CLCN3: variants seen among roughly 807,000 people sequenced by gnomAD.
CLCN3 encodes the protein Cl-/H+ antiporter 3.
CLCN3 carries 16 observed loss-of-function variants against 83.4 expected under a neutral mutation model. The observed-to-expected ratio is 0.19, with a 90% confidence interval of 0.13 to 0.29. CLCN3 has a LOEUF of 0.29. Among genes scored for constraint, CLCN3 ranks in the 10% least tolerant of loss-of-function variants. The pLI is 1.00. For missense variants in CLCN3, 544 were observed against 1,006.0 expected, an observed-to-expected ratio of 0.54 and a Z score of 6.21; for synonymous variants, 322 against 346.2, an observed-to-expected ratio of 0.93 and a Z score of 0.78.
At chr4:169,657,158 T>A (rs2150216601) in intron 2 of CLCN3, among the ~76,000 whole-genome samples, 1 of 152,320 alleles carries the variant, frequency 6.6e-6, no homozygotes, top group African/African-American at 2.4e-5. Context: ...ACATGTATAT[T>A]GTGTATTTCT....
chr4:169,622,547 A>G (rs1430700882), intron 1 of CLCN3, among the ~76,000 whole-genome samples: 1 of 152,172 alleles, frequency 6.6e-6, no homozygotes, highest in Non-Finnish European at 1.5e-5. Context: ...AAAATGTATA[A>G]TATTTTATAA....
At chr4:169,700,375 A>C (rs2150259198) in intron 9 of CLCN3, among the ~76,000 whole-genome samples, 1 of 152,262 alleles carries the variant, frequency 6.6e-6, no homozygotes, top group Non-Finnish European at 1.5e-5. Context: ...CTCCTGCCTC[A>C]GCCTCCCAAG....
intron 2 of CLCN3, among the ~76,000 whole-genome samples, chr4:169,668,042 C>CGTT (rs780656327): frequency 6.4e-5 from 6 of 93,658 alleles, no homozygotes; most frequent in Admixed American, 3.5e-4. Context: ...CCCGGCCAGA[C>CGTT]ATTTTTTTTT....
chr4:169,635,787 A>C (rs909172566), intron 1 of CLCN3, 126 bp from the exon 2 acceptor site: 3 of 574,644 alleles, frequency 5.2e-6, no homozygotes, highest in Non-Finnish European at 8.3e-6. Context: ...AAAGGTAACT[A>C]TTGTTACAGT....
intron 9 of CLCN3, among the ~76,000 whole-genome samples, chr4:169,700,790 C>G (rs998345546): frequency 1.4e-4 from 22 of 152,262 alleles, no homozygotes; most frequent in African/African-American, 5.3e-4. Context: ...TCTGTTTACA[C>G]TATGCTGTAG....
chr4:169,670,711 G>C (rs1246381328), intron 2 of CLCN3, among the ~76,000 whole-genome samples: 3 of 152,146 alleles, frequency 2.0e-5, no homozygotes, highest in African/African-American at 7.2e-5. Flanking sequence ...CGGGCAGTAT[G>C]GCCATTTTCA....
chr4:169,656,340 A>C (rs928551102), intron 2 of CLCN3, among the ~76,000 whole-genome samples: 14 of 152,206 alleles, frequency 9.2e-5, no homozygotes, highest in Admixed American at 2.6e-4. Flanking sequence ...AGAAGCTAGC[A>C]TGTCTTACAT....
In CLCN3 at chr4:169,620,992, T is replaced by G. The variant is rs1358785916; in HGVS notation, c.-88T>G. ...CTCCGAGGGTAGCTAGGTTCTAGGTTTGAAACAGATGCAGAATCCAAAGGC... is the reference window on the plus strand; with the variant it reads ...CTCCGAGGGTAGCTAGGTTCTAGGTGTGAAACAGATGCAGAATCCAAAGGC... On this transcript the variant is annotated 5_prime_UTR_variant, in exon 1 of 13. Coordinates refer to ENST00000513761, the MANE Select transcript of CLCN3 (RefSeq NM_001829.4). 1 of 398,262 alleles carries G rather than the reference T, an allele frequency of 2.5e-6. No homozygotes were observed. The highest frequency in any genetic ancestry group is 3.6e-5 in the East Asian group (1 of 28,072). 24.7% of individuals were successfully genotyped at this position (398,262 alleles called of 1,614,324 possible).
At chr4:169,689,252 G>T (rs752073451) in intron 5 of CLCN3, 22 bp downstream of exon 5, 1 of 1,585,854 alleles carries the variant, frequency 6.3e-7, no homozygotes, top group Non-Finnish European at 8.6e-7. Flanking sequence ...TTTGTCTCAA[G>T]ATGAATTAAT....
Position 169,706,878 on chromosome 4 carries a change from A to G in CLCN3, c.1761A>G (p.Thr587=), listed in dbSNP as rs781395492. 1.2e-6 allele frequency: 2 copies of G among 1,609,410 alleles called. No individual in the cohort carries two copies. The change falls in exon 11 of 13, where the codon ACA becomes ACG. Residue 587 remains threonine (T), a synonymous_variant. Coordinates refer to ENST00000513761, the MANE Select transcript of CLCN3 (RefSeq NM_001829.4). ...VGAAACLGGV[T]RMTVSLVVIV... ...GCTTACTTTTTTCAGGTGGTGTGAC[A>G]AGAATGACTGTCTCCCTGGTGGTTA...
At chr4:169,664,361 G>A (rs1282259325) in intron 2 of CLCN3, among the ~76,000 whole-genome samples, 1 of 152,156 alleles carries the variant, frequency 6.6e-6, no homozygotes, top group Admixed American at 6.5e-5. Context: ...TATAATAGAG[G>A]TTTGTTCCTT....
chr4:169,632,642 A>G (rs952426322), intron 1 of CLCN3, among the ~76,000 whole-genome samples: 1 of 138,700 alleles, frequency 7.2e-6, no homozygotes, highest in Non-Finnish European at 1.5e-5. Flanking sequence ...GCCTGAACCC[A>G]GGAGGCGGAG....
rs1733613194 is a variant in CLCN3, at chr4:169,720,879, T to C, written c.*882T>C. 6.6e-6 allele frequency: 1 copy of C among 152,668 alleles called. No homozygotes were observed. The highest frequency in any genetic ancestry group is 1.5e-5 in the Non-Finnish European group (1 of 68,046). The allele number at this position is 152,668 out of a possible 1,614,324, so 9.5% of individuals were successfully genotyped here. On this transcript the variant is annotated 3_prime_UTR_variant, in exon 13 of 13. Coordinates refer to ENST00000513761, the MANE Select transcript of CLCN3 (RefSeq NM_001829.4). Reference sequence around the variant, plus strand: ...TTTTTTGTTTTCCTCTCAGACTTTATGGATAATGTGACCGGGTCTTATGCA... The same window carrying C: ...TTTTTTGTTTTCCTCTCAGACTTTACGGATAATGTGACCGGGTCTTATGCA...
intron 3 of CLCN3, among the ~76,000 whole-genome samples, chr4:169,683,825 C>A (rs1203309741): frequency 2.0e-5 from 3 of 151,852 alleles, no homozygotes; most frequent in Non-Finnish European, 4.4e-5. Flanking sequence ...CTCCCTGCAA[C>A]CTCTGCCTTC....
intron 2 of CLCN3, among the ~76,000 whole-genome samples, chr4:169,648,922 G>GTAATCCC (rs1730653931): frequency 6.6e-6 from 1 of 151,998 alleles, no homozygotes; most frequent in Non-Finnish European, 1.5e-5. Context: ...AGCTACTCGG[G>GTAATCCC]AGACTGAGGC....
chr4:169,713,255 C>T lies in CLCN3; in HGVS notation c.2326C>T (p.Arg776Ter). The T allele has an allele frequency of 6.2e-7, 1 of 1,614,064 alleles. No individual in the cohort carries two copies. Among genetic ancestry groups the T allele is most frequent in the Non-Finnish European group, 8.5e-7 (1 of 1,179,980 alleles). ...TPMEIVVDIF[R>*]KLGLRQCLVT... is the part of the protein sequence containing the mutation. Reference sequence around the variant, plus strand: ...AATGGAGATCGTGGTGGATATTTTCCGAAAGCTGGGACTGAGGCAGTGCCT... The same window carrying T: ...AATGGAGATCGTGGTGGATATTTTCTGAAAGCTGGGACTGAGGCAGTGCCT... Residue 776 changes from arginine to a stop codon, truncating the protein, a stop_gained, in exon 12 of 13, where the codon CGA becomes TGA. Transcript: ENST00000513761. LOFTEE classifies it high-confidence loss of function.
At chr4:169,709,392 A>AG in intron 11 of CLCN3, among the ~76,000 whole-genome samples, 1 of 152,088 alleles carries the variant, frequency 6.6e-6, no homozygotes. Context: ...TAAAAAAAAA[A>AG]AAAGTCTGAG....
At chr4:169,621,751 G>T (rs1186957860) in intron 1 of CLCN3, among the ~76,000 whole-genome samples, 1 of 152,136 alleles carries the variant, frequency 6.6e-6, no homozygotes, top group Non-Finnish European at 1.5e-5. Context: ...TATAATTGTT[G>T]AATCTTTCCA....
At chr4:169,666,797 T>G (rs1431551398) in intron 2 of CLCN3, among the ~76,000 whole-genome samples, 2 of 152,216 alleles carry the variant, frequency 1.3e-5, no homozygotes, top group East Asian at 1.9e-4. Context: ...TTGGGCCTGT[T>G]TAACTCTTGA....
Sources: gnomAD v4.1 joint callset for allele counts (sites outside exome capture counted in the v4.1 genomes callset) on GRCh38, gnomAD v4.1.1 for gene constraint, MANE v1.5 for transcripts, NCBI Gene and HGNC (gene_info 2026-07-23, HGNC 2026-07-21) for gene names.